LTBP1: variants seen among roughly 807,000 people sequenced by gnomAD.
LTBP1 encodes the protein latent transforming growth factor beta binding protein 1.
A neutral mutation model predicts 207.6 loss-of-function variants in LTBP1; 129 were observed. The observed-to-expected ratio is 0.62, with a 90% CI of 0.54 to 0.72. LTBP1 has a LOEUF of 0.72. LTBP1 is among the 30% of genes least tolerant of loss of function. The pLI is 0.00. For missense variants in LTBP1, 2,281 were observed against 2,217.2 expected, an observed-to-expected ratio of 1.03 and a Z score of -0.58; for synonymous variants, 963 against 833.7, an observed-to-expected ratio of 1.16 and a Z score of -2.67.
At chr2:33,288,538 T>C (rs763296235) in intron 19 of LTBP1, among the ~76,000 whole-genome samples, 13 of 152,056 alleles carry the variant, frequency 8.5e-5, no homozygotes, top group Admixed American at 2.0e-4. Context: ...GAGAGAGTAA[T>C]GTTCTCATTT....
At chr2:33,385,178 T>G (rs1198749797) in intron 31 of LTBP1, among the ~76,000 whole-genome samples, 1 of 152,132 alleles carries the variant, frequency 6.6e-6, no homozygotes. Flanking sequence ...CAGTCAACAG[T>G]TTTGTGCCTT....
intron 9 of LTBP1, among the ~76,000 whole-genome samples, chr2:33,233,857 AT>A (rs1433652224): frequency 1.3e-5 from 2 of 151,136 alleles, no homozygotes; most frequent in East Asian, 3.9e-4. Flanking sequence ...TTTTATTTTT[AT>A]TTTTTATTTG....
At chr2:33,140,145 A>G (rs2082518217) in intron 5 of LTBP1, among the ~76,000 whole-genome samples, 1 of 152,182 alleles carries the variant, frequency 6.6e-6, no homozygotes, top group African/African-American at 2.4e-5. Context: ...ATTTCACAAA[A>G]CCGACCTAAT....
chr2:33,039,620 C>G (rs993862890), intron 3 of LTBP1, among the ~76,000 whole-genome samples: 5 of 152,194 alleles, frequency 3.3e-5, no homozygotes, highest in African/African-American at 1.2e-4. Flanking sequence ...CTGACCAGTT[C>G]TAATCCCAGA....
At chr2:33,296,601 C>T (rs1328577495) in intron 20 of LTBP1, among the ~76,000 whole-genome samples, 6 of 152,174 alleles carry the variant, frequency 3.9e-5, no homozygotes, top group African/African-American at 1.4e-4. Context: ...CTCATTACCA[C>T]TGTCTTGCTC....
intron 31 of LTBP1, among the ~76,000 whole-genome samples, chr2:33,371,335 C>A (rs1458843492): frequency 6.6e-6 from 1 of 152,186 alleles, no homozygotes; most frequent in East Asian, 1.9e-4. Context: ...CTTCCCCTTT[C>A]ACAGTACCCG....
At chr2:32,973,237 G>A (rs953343463) in intron 2 of LTBP1, among the ~76,000 whole-genome samples, 2 of 152,044 alleles carry the variant, frequency 1.3e-5, no homozygotes, top group Non-Finnish European at 2.9e-5. Context: ...CTGTCAGTGG[G>A]TGTTGAAGTT....
intron 3 of LTBP1, among the ~76,000 whole-genome samples, chr2:33,067,882 A>G (rs1256365741): frequency 1.3e-5 from 2 of 152,180 alleles, no homozygotes; most frequent in South Asian, 2.1e-4. Flanking sequence ...TTCAAAATCT[A>G]TTTAACTGTG....
chr2:33,263,727 G>T (rs1415222308), intron 15 of LTBP1, among the ~76,000 whole-genome samples: 1 of 152,058 alleles, frequency 6.6e-6, no homozygotes, highest in Non-Finnish European at 1.5e-5. Flanking sequence ...GCCAAGGCAG[G>T]CAGATCACAA....
At chr2:33,261,616 G>A (rs930575848) in intron 13 of LTBP1, among the ~76,000 whole-genome samples, 6 of 152,296 alleles carry the variant, frequency 3.9e-5, no homozygotes, top group African/African-American at 9.6e-5. Context: ...AAAAATGAAA[G>A]AGGGAGGACT....
At chr2:33,148,941 G>A (rs558692123) in intron 5 of LTBP1, among the ~76,000 whole-genome samples, 9 of 152,134 alleles carry the variant, frequency 5.9e-5, no homozygotes, top group African/African-American at 1.9e-4. Flanking sequence ...TGGGCTGGGC[G>A]CGGTGGCTCA....
intron 4 of LTBP1, among the ~76,000 whole-genome samples, chr2:33,126,978 A>G (rs1254630346): frequency 6.6e-6 from 1 of 152,230 alleles, no homozygotes; most frequent in African/African-American, 2.4e-5. Flanking sequence ...GAATCCATGA[A>G]ACTTGAGAGT....
At chr2:33,378,172 CATAT>C (rs541050492) in intron 31 of LTBP1, among the ~76,000 whole-genome samples, 37 of 144,042 alleles carry the variant, frequency 2.6e-4, no homozygotes, top group Middle Eastern at 3.5e-3. Context: ...ATTTTACTTT[CATAT>C]ATATATATAT....
intron 3 of LTBP1, among the ~76,000 whole-genome samples, chr2:33,031,632 TG>T (rs2075695623): frequency 6.6e-6 from 1 of 152,136 alleles, no homozygotes; most frequent in South Asian, 2.1e-4. Context: ...TGACCAGAGT[TG>T]GAAGGACTTG....
intron 9 of LTBP1, among the ~76,000 whole-genome samples, chr2:33,240,988 C>A (rs968440343): frequency 1.3e-5 from 2 of 152,084 alleles, no homozygotes; most frequent in Non-Finnish European, 2.9e-5. Flanking sequence ...GTGGTTACAC[C>A]ACAAGTAGAT....
chr2:33,079,241 C>T (rs138955272), intron 3 of LTBP1, among the ~76,000 whole-genome samples: 21 of 152,210 alleles, frequency 1.4e-4, no homozygotes, highest in African/African-American at 4.6e-4. Flanking sequence ...AAGGATGAAA[C>T]ATTCTAATGG....
At chr2:33,224,280 A>G (rs1030548294) in intron 9 of LTBP1, among the ~76,000 whole-genome samples, 1 of 152,198 alleles carries the variant, frequency 6.6e-6, no homozygotes, top group Non-Finnish European at 1.5e-5. Context: ...GTTCCGTTAA[A>G]CTAGAGGACA....
At chr2:33,365,588 G>C (rs2094975474) in intron 31 of LTBP1, 85 bp downstream of exon 31, 1 of 1,360,814 alleles carries the variant, frequency 7.3e-7, no homozygotes, top group Non-Finnish European at 1.0e-6. Context: ...TTTCTCTTCT[G>C]TATCTTTGCC....
intron 5 of LTBP1, among the ~76,000 whole-genome samples, chr2:33,155,117 C>G (rs2083861044): frequency 6.6e-6 from 1 of 152,114 alleles, no homozygotes; most frequent in Admixed American, 6.5e-5. Flanking sequence ...AATATATGAA[C>G]TTGTCTGTAT....
Sources: gnomAD v4.1 joint callset for allele counts (sites outside exome capture counted in the v4.1 genomes callset) on GRCh38, gnomAD v4.1.1 for gene constraint, MANE v1.5 for transcripts, NCBI Gene and HGNC (gene_info 2026-07-23, HGNC 2026-07-21) for gene names.